LUZP1: variants seen among roughly 807,000 people sequenced by gnomAD.
LUZP1 encodes leucine zipper protein 1.
A neutral mutation model predicts 71.3 loss-of-function variants in LUZP1; 25 were observed. That is an observed-to-expected ratio of 0.35 (90% CI 0.26 to 0.49). The LOEUF (loss-of-function observed/expected upper bound fraction) is 0.49, where lower values mean the gene tolerates loss of function less well. Ranked by LOEUF, LUZP1 falls within the 20% of genes least tolerant of loss-of-function variation. The probability of loss-of-function intolerance (pLI) is 0.99; values close to 1 mark genes in which losing one functional copy is unlikely to be tolerated. For missense variants in LUZP1, 1,142 were observed against 1,300.8 expected, an observed-to-expected ratio of 0.88 and a Z score of 1.88; for synonymous variants, 481 against 506.4, an observed-to-expected ratio of 0.95 and a Z score of 0.67.
intron 2 of LUZP1, 119 bp from the exon 2 acceptor site, chr1:23,109,246 C>G (rs1242169719): frequency 6.6e-6 from 1 of 152,200 alleles, no homozygotes; most frequent in Non-Finnish European, 1.5e-5. Context: ...AGCAAGGGGC[C>G]AAGGTAAGAT....
intron 2 of LUZP1, among the ~76,000 whole-genome samples, chr1:23,158,702 C>CA (rs2148200757): frequency 7.0e-6 from 1 of 141,974 alleles, no homozygotes; most frequent in East Asian, 2.1e-4. Flanking sequence ...CATGGTGGCT[C>CA]ATGCGTTTAA....
intron 2 of LUZP1, among the ~76,000 whole-genome samples, chr1:23,159,912 A>G (rs1036341392): frequency 5.3e-5 from 8 of 152,062 alleles, no homozygotes; most frequent in Admixed American, 5.2e-4. Flanking sequence ...CTTGAACCCA[A>G]GAGGTGGAGG....
intron 3 of LUZP1, among the ~76,000 whole-genome samples, chr1:23,103,388 A>G (rs1424270391): frequency 6.6e-6 from 1 of 152,192 alleles, no homozygotes; most frequent in African/African-American, 2.4e-5. Context: ...TCACAAATTC[A>G]TGTATTTTGG....
chr1:23,103,572 C>A (rs1265961357), intron 3 of LUZP1, among the ~76,000 whole-genome samples: 6 of 151,778 alleles, frequency 4.0e-5, no homozygotes, highest in African/African-American at 1.5e-4. Flanking sequence ...CACTTCCTCC[C>A]AAGACAACTC....
intron 4 of LUZP1, among the ~76,000 whole-genome samples, chr1:23,090,072 T>TTAA (rs1434934067): frequency 6.6e-6 from 1 of 152,212 alleles, no homozygotes; most frequent in African/African-American, 2.4e-5. Flanking sequence ...TTCTACCTTT[T>TTAA]TAATATTCTC....
At chr1:23,100,375 G>A (rs1181088545) in intron 3 of LUZP1, among the ~76,000 whole-genome samples, 6 of 152,214 alleles carry the variant, frequency 3.9e-5, no homozygotes, top group African/African-American at 7.2e-5. Flanking sequence ...CTCAGGCCCT[G>A]TGGTAATGCT....
At chr1:23,136,939 C>T (rs1569642496) in intron 2 of LUZP1, among the ~76,000 whole-genome samples, 2 of 151,946 alleles carry the variant, frequency 1.3e-5, no homozygotes, top group Non-Finnish European at 2.9e-5. Flanking sequence ...ATAAAAGTTC[C>T]CCAGTTCCCA....
Position 23,093,340 on chromosome 1 carries a change from A to G in LUZP1, c.922T>C (p.Leu308=). 6.2e-7 allele frequency: 1 copy of G among 1,612,210 alleles called. No homozygotes were observed. Among genetic ancestry groups the G allele is most frequent in the Admixed American group, 1.7e-5 (1 of 59,610 alleles). ...TTCATTTTCTTAAGCTCTTCTTCCA[A>G]CGATTCAAAGTGTTTGATTTGTGTC... The change falls in exon 4 of 5, where the codon TTG becomes CTG. Residue 308 remains leucine (L), a synonymous_variant. Coordinates refer to ENST00000302291, the Ensembl canonical transcript of LUZP1. The surrounding 1 kb of genome is among the most constrained non-coding windows in gnomAD (Gnocchi z 4.2).
intron 3 of LUZP1, among the ~76,000 whole-genome samples, chr1:23,100,757 C>A (rs1200728810): frequency 1.3e-5 from 2 of 152,198 alleles, no homozygotes; most frequent in Non-Finnish European, 2.9e-5. Flanking sequence ...TTCACTTACT[C>A]AACCAAAGCA....
At chr1:23,166,458 C>T (rs930741410) in intron 2 of LUZP1, among the ~76,000 whole-genome samples, 2 of 151,942 alleles carry the variant, frequency 1.3e-5, no homozygotes, top group African/African-American at 4.8e-5. Flanking sequence ...AGTTCGAAAC[C>T]AACCCGGCCA....
At chr1:23,118,459 G>A (rs1188455852) in intron 2 of LUZP1, among the ~76,000 whole-genome samples, 1 of 152,134 alleles carries the variant, frequency 6.6e-6, no homozygotes, top group Non-Finnish European at 1.5e-5. Context: ...AGTACAATGG[G>A]CAGTAGAATC....
rs373995097 is a variant in LUZP1 at position 23,117,933 on chromosome 1, T to C, written c.-225-8806A>G. 3.3e-5 allele frequency among the ~76,000 whole-genome samples: 5 copies of C among 151,172 alleles called. No homozygotes were observed. The East Asian group carries it at 7.8e-4, about 24-fold the overall frequency. The stretch of plus-strand genomic sequence containing the variant: ...GGTGAAACCCTGTCTCTACTAAAAA[T>C]ACAAAAATTAGCCAGGCGTGGTGGC... On this transcript the variant is annotated intron_variant, in intron 2 of 4. Coordinates refer to ENST00000302291, the Ensembl canonical transcript of LUZP1.
intron 2 of LUZP1, among the ~76,000 whole-genome samples, chr1:23,131,968 G>C (rs1181957142): frequency 6.6e-6 from 1 of 152,158 alleles, no homozygotes; most frequent in East Asian, 1.9e-4. Flanking sequence ...TTACAAGCAT[G>C]AGCCACTGCG....
chr1:23,102,446 T>C (rs911283419), intron 3 of LUZP1, among the ~76,000 whole-genome samples: 8 of 152,112 alleles, frequency 5.3e-5, no homozygotes, highest in African/African-American at 9.7e-5. Flanking sequence ...CTGTTCCCAA[T>C]AGTCATTTAA....
intron 3 of LUZP1, among the ~76,000 whole-genome samples, chr1:23,107,951 T>C (rs1159615189): frequency 1.3e-5 from 2 of 152,244 alleles, no homozygotes; most frequent in East Asian, 3.8e-4. Context: ...ATTCCTTTCC[T>C]ATGCCCAGTC....
At chr1:23,171,163 A>G (rs2148223506) in intron 1 of LUZP1, among the ~76,000 whole-genome samples, 1 of 151,036 alleles carries the variant, frequency 6.6e-6, no homozygotes, top group African/African-American at 2.4e-5. Context: ...TAACTACTAT[A>G]ATCAGTATTA....
chr1:23,108,734 T>C (rs938831029), intron 3 of LUZP1, among the ~76,000 whole-genome samples: 4 of 152,214 alleles, frequency 2.6e-5, no homozygotes, highest in African/African-American at 7.2e-5. Context: ...ACAGGGTTGG[T>C]AGGGCGATAA....
chr1:23,118,951 A>G (rs574127998), intron 2 of LUZP1, among the ~76,000 whole-genome samples: 2 of 152,260 alleles, frequency 1.3e-5, no homozygotes, highest in East Asian at 3.9e-4. Flanking sequence ...CTTTGTCTGT[A>G]TCTCTACTTG....
intron 2 of LUZP1, among the ~76,000 whole-genome samples, chr1:23,139,325 G>A (rs925865434): frequency 3.3e-5 from 5 of 151,850 alleles, no homozygotes; most frequent in South Asian, 2.1e-4. Context: ...AATAAAGTAC[G>A]CAAATAATTA....
Sources: allele counts gnomAD v4.1 joint callset (sites outside exome capture counted in the v4.1 genomes callset), GRCh38; gene constraint gnomAD v4.1.1; non-coding constraint Gnocchi (gnomAD v3.1); transcripts MANE v1.5; gene names NCBI Gene and HGNC (gene_info 2026-07-23, HGNC 2026-07-21).